The following KIF14 variants were observed in gnomAD, a reference collection of about 807,000 sequenced individuals.
The protein encoded by KIF14 is kinesin family member 14.
Under a neutral mutation model 176.2 loss-of-function variants are expected in KIF14, and 98 were observed. The ratio of observed to expected loss-of-function variants is 0.56; its 90% CI spans 0.47 to 0.66. KIF14 has a LOEUF of 0.66. Ranked by LOEUF, KIF14 falls within the 30% of genes least tolerant of loss-of-function variation. The probability of loss-of-function intolerance (pLI) is 0.00; values close to 1 mark genes in which losing one functional copy is unlikely to be tolerated. For synonymous variants in KIF14, 566 were observed against 632.2 expected (o/e 0.90, Z 1.57); for missense variants, 1,751 against 1,920.4 (o/e 0.91, Z 1.65).
At chr1:200,603,715 T>C in intron 9 of KIF14, 124 bp downstream of exon 9, 1 of 627,274 alleles carries the variant, frequency 1.6e-6, no homozygotes. Context: ...ACCACAGCAA[T>C]GCAGTCTATA....
chr1:200,570,176 T>G (rs553806866), intron 22 of KIF14, among the ~76,000 whole-genome samples, 171 bp from the exon 23 acceptor site: 1 of 152,228 alleles, frequency 6.6e-6, no homozygotes, highest in African/African-American at 2.4e-5. Context: ...TTTTACTATT[T>G]ACAGGCACTG....
intron 25 of KIF14, among the ~76,000 whole-genome samples, chr1:200,561,769 C>A (rs1657172676): frequency 1.3e-5 from 2 of 152,036 alleles, no homozygotes; most frequent in African/African-American, 2.4e-5. Flanking sequence ...AAATTAACTA[C>A]ATATAAGACA....
chr1:200,589,671 C>CTTTTTTTTTTT (rs1204882989), intron 17 of KIF14, among the ~76,000 whole-genome samples: 8 of 76,564 alleles, frequency 1.0e-4, no homozygotes, highest in Admixed American at 1.6e-4. Flanking sequence ...CAACTTTTTT[C>CTTTTTTTTTTT]TTTTTTTTTT....
chr1:200,585,239 C>CAAA (rs759023980), intron 19 of KIF14, among the ~76,000 whole-genome samples: 7 of 91,288 alleles, frequency 7.7e-5, no homozygotes, highest in Non-Finnish European at 1.6e-4. Context: ...GTCCTCATGA[C>CAAA]AAAAAAAAAA....
intron 16 of KIF14, among the ~76,000 whole-genome samples, chr1:200,591,486 C>T (rs1659048841): frequency 6.6e-6 from 1 of 152,194 alleles, no homozygotes; most frequent in Non-Finnish European, 1.5e-5. Context: ...TTCCCTTATC[C>T]TTTAAGATAA....
chr1:200,620,353 T>C (rs1660621522), intron 1 of KIF14, 58 bp downstream of exon 1: 1 of 152,170 alleles, frequency 6.6e-6, no homozygotes, highest in African/African-American at 2.4e-5. Context: ...AACCAAAACA[T>C]CCGGTGATTC....
At chr1:200,565,312 T>C in intron 24 of KIF14, 59 bp from the exon 25 acceptor site, 1 of 1,493,904 alleles carries the variant, frequency 6.7e-7, no homozygotes, top group Non-Finnish European at 9.1e-7. Flanking sequence ...AGAACTCATA[T>C]ATGATCATCA....
rs1412232618 is a variant in KIF14 at position 200,554,510 on chromosome 1, A to C, written c.4525T>G (p.Cys1509Gly). 1 of 1,546,514 alleles carries C rather than the reference A, an allele frequency of 6.5e-7. No individual in the cohort carries two copies. The highest frequency in any genetic ancestry group is 2.3e-5 in the East Asian group (1 of 44,122). Residue 1509 changes from cysteine to glycine, a missense_variant, in exon 29 of 30, where the codon TGC becomes GGC. By Grantham distance (159) the Cys-to-Gly change is radical. Transcript: ENST00000367350. ...RAPEFLKLKH[C>G]LEKAIEIIIS... ...ATAATTTCAATAGCTTTCTCTAAGC[A>C]ATGTTTTAACTTTAAGAATTCTGGA...
chr1:200,587,941 G>A (rs1658840373), intron 18 of KIF14, among the ~76,000 whole-genome samples: 1 of 152,162 alleles, frequency 6.6e-6, no homozygotes, highest in African/African-American at 2.4e-5. Flanking sequence ...ACTAGTAGAT[G>A]TATAATAACT....
At chr1:200,590,375 A>G (rs1658992692) in intron 16 of KIF14, 103 bp from the exon 17 acceptor site, 6 of 1,030,358 alleles carry the variant, frequency 5.8e-6, no homozygotes, top group Non-Finnish European at 8.2e-6. Context: ...TGAAAGTTTC[A>G]ATCTTAAAAC....
chr1:200,600,515 T>C lies in KIF14; in HGVS notation c.2153-12A>G. The C allele has an allele frequency of 6.3e-7, 1 of 1,586,778 alleles. No homozygotes were observed. The highest frequency in any genetic ancestry group is 8.7e-7 in the Non-Finnish European group (1 of 1,155,840). The stretch of plus-strand genomic sequence containing the variant: ...TTCTGCCTTCAATTCTGAAGATTTA[T>C]ACAAAGATGCATTAATAATAACATT... On this transcript the variant is annotated splice_polypyrimidine_tract_variant and intron_variant, in intron 11 of 29. Transcript: ENST00000367350.
At chr1:200,554,986 A>T (rs1202875812) in intron 28 of KIF14, among the ~76,000 whole-genome samples, 1 of 152,154 alleles carries the variant, frequency 6.6e-6, no homozygotes, top group Non-Finnish European at 1.5e-5. Flanking sequence ...TTTTTAACAC[A>T]TTGATCATAT....
intron 27 of KIF14, among the ~76,000 whole-genome samples, chr1:200,556,107 C>T (rs1360714793): frequency 1.3e-5 from 2 of 152,118 alleles, no homozygotes; most frequent in African/African-American, 4.8e-5. Flanking sequence ...GGAAACAGAC[C>T]TTGGTTCCTA....
At position 200,600,230 on chromosome 1, in the gene KIF14, T is replaced by A. The variant is rs1232276650; in HGVS notation, c.2301-117A>T. 8 of 1,198,196 alleles carry A rather than the reference T, an allele frequency of 6.7e-6. No homozygotes were observed. The Admixed American group carries it at 1.4e-4, about 21-fold the overall frequency. The allele number at this position is 1,198,196 out of a possible 1,614,324, so 74.2% of individuals were successfully genotyped here. On this transcript the variant is annotated intron_variant, in intron 12 of 29. Transcript: ENST00000367350. The stretch of plus-strand genomic sequence containing the variant: ...CCTAGTAATATTTAAAATATGATAA[T>A]CTGGGAGTGGGCTGCTCTATTCATA...
chr1:200,552,003 T>C lies in KIF14; in HGVS notation c.*1385A>G, dbSNP rs10737572. 120,839 of 152,222 alleles carry C rather than the reference T, an allele frequency of 0.79. 48,315 individuals are homozygous for C. Among genetic ancestry groups the C allele is most frequent in the African/African-American group, 0.89 (36,838 of 41,548 alleles). The allele number at this position is 152,222 out of a possible 1,614,324, so 9.4% of individuals were successfully genotyped here. ...CTAATACTGTTCTGACTGCAATGACTGTATTTACTTACAATCTCTTCCTAA... is the reference window on the plus strand; with the variant it reads ...CTAATACTGTTCTGACTGCAATGACCGTATTTACTTACAATCTCTTCCTAA... On this transcript the variant is annotated 3_prime_UTR_variant, in exon 30 of 30. Coordinates refer to ENST00000367350, the MANE Select transcript of KIF14 (RefSeq NM_014875.3).
intron 11 of KIF14, among the ~76,000 whole-genome samples, chr1:200,601,555 G>A (rs767557457): frequency 9.2e-5 from 14 of 152,160 alleles, no homozygotes; most frequent in East Asian, 3.8e-4. Context: ...TACATAAAAC[G>A]TCAATGGAAG....
chr1:200,595,146 T>A (rs1008062968), intron 14 of KIF14, among the ~76,000 whole-genome samples: 4 of 152,206 alleles, frequency 2.6e-5, no homozygotes, highest in Non-Finnish European at 5.9e-5. Context: ...AGATAGGACA[T>A]CCTCTCCCTT....
intron 16 of KIF14, among the ~76,000 whole-genome samples, chr1:200,590,951 A>G (rs186275995): frequency 3.3e-5 from 5 of 152,066 alleles, no homozygotes; most frequent in African/African-American, 9.6e-5. Flanking sequence ...GCTTGAGGCC[A>G]GGAGGTGGAA....
At position 200,551,917 on chromosome 1, in the gene KIF14, T is replaced by C. The variant is rs2102539785; in HGVS notation, c.*1471A>G. 1 of 152,188 alleles carries C rather than the reference T, an allele frequency of 6.6e-6. No individual in the cohort carries two copies. Among genetic ancestry groups the C allele is most frequent in the South Asian group, 2.1e-4 (1 of 4,824 alleles). The allele number at this position is 152,188 out of a possible 1,614,324, so 9.4% of individuals were successfully genotyped here. On this transcript the variant is annotated 3_prime_UTR_variant, in exon 30 of 30. Coordinates refer to ENST00000367350, the MANE Select transcript of KIF14 (RefSeq NM_014875.3). ...CAAATGCCAAAAATAAAAAAAGAAATGAAAGCAAATGTGCTACATTGTACC... is the reference window on the plus strand; with the variant it reads ...CAAATGCCAAAAATAAAAAAAGAAACGAAAGCAAATGTGCTACATTGTACC...
Sources: gnomAD v4.1 joint callset for allele counts (sites outside exome capture counted in the v4.1 genomes callset) on GRCh38, gnomAD v4.1.1 for gene constraint, MANE v1.5 for transcripts, NCBI Gene and HGNC (gene_info 2026-07-23, HGNC 2026-07-21) for gene names.